The following PTPRT variants were observed in gnomAD, a reference collection of about 807,000 sequenced individuals.
PTPRT encodes the protein protein tyrosine phosphatase receptor type T.
In PTPRT, 56 loss-of-function variants were observed where a neutral mutation model predicts 176.8. The observed-to-expected ratio is 0.32, with a 90% CI of 0.26 to 0.40. The LOEUF (loss-of-function observed/expected upper bound fraction) is 0.40, where lower values mean the gene tolerates loss of function less well. Ranked by LOEUF, PTPRT falls within the 10% of genes least tolerant of loss-of-function variation. The pLI, the probability that PTPRT is intolerant of heterozygous loss-of-function variation, is 1.00. For missense variants in PTPRT, 1,540 were observed against 1,908.2 expected, an observed-to-expected ratio of 0.81 and a Z score of 3.60; for synonymous variants, 783 against 739.0, an observed-to-expected ratio of 1.06 and a Z score of -0.96.
intron 7 of PTPRT, among the ~76,000 whole-genome samples, chr20:42,584,388 C>T (rs2145734848): frequency 6.6e-6 from 1 of 152,252 alleles, no homozygotes; most frequent in African/African-American, 2.4e-5. Context: ...AAACATGGTC[C>T]TCCCACCTCA....
chr20:42,860,168 G>A (rs1049281069), intron 2 of PTPRT, among the ~76,000 whole-genome samples: 2 of 152,092 alleles, frequency 1.3e-5, no homozygotes, highest in African/African-American at 4.8e-5. Context: ...TCATTAATTA[G>A]AAATGTGAAG....
intron 11 of PTPRT, among the ~76,000 whole-genome samples, chr20:42,349,542 G>A (rs1203763432): frequency 2.6e-5 from 4 of 152,192 alleles, no homozygotes; most frequent in African/African-American, 9.7e-5. Flanking sequence ...TCCATGGCTA[G>A]TTCACTGCTG....
At chr20:42,226,815 G>A (rs1289082002) in intron 15 of PTPRT, among the ~76,000 whole-genome samples, 1 of 152,084 alleles carries the variant, frequency 6.6e-6, no homozygotes. Context: ...TCTTCTCTGT[G>A]ATACATCTTC....
At chr20:42,165,342 G>T (rs1043570714) in intron 16 of PTPRT, among the ~76,000 whole-genome samples, 1 of 152,204 alleles carries the variant, frequency 6.6e-6, no homozygotes, top group African/African-American at 2.4e-5. Context: ...ACAGCAGGGA[G>T]GTATGTTCAG....
At chr20:42,569,089 T>TAC (rs2073105602) in intron 7 of PTPRT, among the ~76,000 whole-genome samples, 1 of 93,072 alleles carries the variant, frequency 1.1e-5, no homozygotes, top group African/African-American at 4.2e-5. Context: ...AAAATATATA[T>TAC]ATATATATAT....
intron 7 of PTPRT, among the ~76,000 whole-genome samples, chr20:42,561,407 C>A (rs2072949261): frequency 6.6e-6 from 1 of 152,154 alleles, no homozygotes; most frequent in Non-Finnish European, 1.5e-5. Context: ...GTCATTGATG[C>A]ATATTTAATA....
chr20:43,106,324 G>C (rs2012602042), intron 1 of PTPRT, among the ~76,000 whole-genome samples: 1 of 151,848 alleles, frequency 6.6e-6, no homozygotes, highest in African/African-American at 2.4e-5. Flanking sequence ...AGAAAGTAAA[G>C]GGTTAATGCT....
chr20:43,017,450 C>T (rs1278041954), intron 1 of PTPRT, among the ~76,000 whole-genome samples: 1 of 152,176 alleles, frequency 6.6e-6, no homozygotes, highest in Non-Finnish European at 1.5e-5. Flanking sequence ...CCATCTCTGC[C>T]CAGCCCCGTG....
At chr20:42,422,603 G>A (rs2059128330) in intron 9 of PTPRT, among the ~76,000 whole-genome samples, 1 of 152,210 alleles carries the variant, frequency 6.6e-6, no homozygotes, top group African/African-American at 2.4e-5. Context: ...GCTGGTGGCA[G>A]TGTAAGTTAA....
rs562041669 is a variant in PTPRT at position 42,511,361 on chromosome 20, T to C, written c.1154-38799A>G. ...CCTAGCCAAGACTAGTGTGAGGCAG[T>C]AACAGTGGGAAGTCTAGGGGAATGG... is the stretch of plus-strand genomic sequence containing the variant. On this transcript the variant is annotated intron_variant, in intron 7 of 30. Transcript: ENST00000373187. Among the ~76,000 whole-genome samples, 7 of 152,180 alleles carry C rather than the reference T, an allele frequency of 4.6e-5. No homozygotes were observed. The East Asian group carries it at 1.4e-3, about 29-fold the overall frequency.
chr20:42,835,061 T>C (rs149556450), intron 2 of PTPRT, among the ~76,000 whole-genome samples: 7 of 152,138 alleles, frequency 4.6e-5, no homozygotes, highest in African/African-American at 1.2e-4. Flanking sequence ...AAAGAACTCA[T>C]GGGACCTAGA....
At chr20:42,724,362 G>A (rs369772397) in intron 6 of PTPRT, among the ~76,000 whole-genome samples, 83 of 152,144 alleles carry the variant, frequency 5.5e-4, no homozygotes, top group Non-Finnish European at 1.0e-3. Flanking sequence ...GCATCTCTCA[G>A]CCCTCTTACC....
chr20:42,111,569 C>CTAA (rs1555870765), intron 22 of PTPRT, among the ~76,000 whole-genome samples: 1 of 149,886 alleles, frequency 6.7e-6, no homozygotes. Context: ...TTGAAACAGA[C>CTAA]TAATAGTGAA....
chr20:42,421,559 T>C (rs190000990), intron 9 of PTPRT, among the ~76,000 whole-genome samples: 1 of 152,014 alleles, frequency 6.6e-6, no homozygotes, highest in East Asian at 1.9e-4. Context: ...TGTGTGTGTG[T>C]GTTTGGGGGA....
At chr20:43,015,075 T>C (rs1188767584) in intron 1 of PTPRT, among the ~76,000 whole-genome samples, 1 of 152,226 alleles carries the variant, frequency 6.6e-6, no homozygotes, top group African/African-American at 2.4e-5. Flanking sequence ...TAAACTTTCC[T>C]TTGGCTAATC....
At chr20:42,755,012 G>A (rs1012856795) in intron 6 of PTPRT, among the ~76,000 whole-genome samples, 8 of 152,120 alleles carry the variant, frequency 5.3e-5, no homozygotes, top group South Asian at 2.1e-4. Context: ...AAGTCACCAA[G>A]TAAACAAATA....
intron 7 of PTPRT, among the ~76,000 whole-genome samples, chr20:42,574,669 G>C (rs2073224214): frequency 6.6e-6 from 1 of 152,120 alleles, no homozygotes; most frequent in African/African-American, 2.4e-5. Flanking sequence ...CAGCAACAAA[G>C]CTGGGGTGGG....
chr20:42,893,709 T>C (rs1055778083), intron 1 of PTPRT, among the ~76,000 whole-genome samples: 6 of 151,648 alleles, frequency 4.0e-5, no homozygotes, highest in Non-Finnish European at 7.4e-5. Context: ...ATGTCCTTTG[T>C]AGGGACATGG....
chr20:42,835,427 T>C (rs1341726619), intron 2 of PTPRT, among the ~76,000 whole-genome samples: 3 of 152,108 alleles, frequency 2.0e-5, no homozygotes, highest in Non-Finnish European at 4.4e-5. Flanking sequence ...GAGAACTCAG[T>C]AGATAGATGA....
Sources: gnomAD v4.1 joint callset for allele counts (sites outside exome capture counted in the v4.1 genomes callset) on GRCh38, gnomAD v4.1.1 for gene constraint, MANE v1.5 for transcripts, NCBI Gene and HGNC (gene_info 2026-07-23, HGNC 2026-07-21) for gene names.